SPTLC1: variants seen among roughly 807,000 people sequenced by gnomAD.
The protein encoded by SPTLC1 is serine palmitoyltransferase long chain base subunit 1.
A neutral mutation model predicts 68.9 loss-of-function variants in SPTLC1; 55 were observed. The observed-to-expected ratio is 0.80, with a 90% CI of 0.64 to 1.00. SPTLC1 has a LOEUF of 1.00. Ranked by LOEUF, SPTLC1 falls within the 50% of genes least tolerant of loss-of-function variation. SPTLC1 has a pLI of 0.00. For missense variants in SPTLC1, 449 were observed against 573.1 expected (o/e 0.78, Z 2.21); for synonymous variants, 197 against 201.6 (o/e 0.98, Z 0.19).
At chr9:92,048,868 C>T (rs567631000) in intron 9 of SPTLC1, among the ~76,000 whole-genome samples, 2 of 152,300 alleles carry the variant, frequency 1.3e-5, no homozygotes, top group South Asian at 4.1e-4. Flanking sequence ...AAAGCCCGTA[C>T]ATTCTGCTCT....
At chr9:92,057,020 G>A (rs1480920088) in intron 7 of SPTLC1, among the ~76,000 whole-genome samples, 1 of 152,144 alleles carries the variant, frequency 6.6e-6, no homozygotes, top group African/African-American at 2.4e-5. Context: ...CTTGGGAAAT[G>A]GAAAAGTACA....
intron 5 of SPTLC1, among the ~76,000 whole-genome samples, chr9:92,069,553 C>T (rs916380477): frequency 1.3e-5 from 2 of 152,132 alleles, no homozygotes; most frequent in South Asian, 4.1e-4. Flanking sequence ...ATCTGACAGC[C>T]GCCCTCTAGG....
chr9:92,044,505 C>A (rs185241959), intron 12 of SPTLC1, among the ~76,000 whole-genome samples: 1 of 152,280 alleles, frequency 6.6e-6, no homozygotes, highest in East Asian at 1.9e-4. Flanking sequence ...AGCCAGGTCT[C>A]AGAGCTGCCA....
At chr9:92,108,574 T>C (rs13290382) in intron 3 of SPTLC1, 166 bp downstream of exon 3, 1 of 918,588 alleles carries the variant, frequency 1.1e-6, no homozygotes, top group African/African-American at 1.7e-5. Flanking sequence ...GCCTGTATCA[T>C]CCCTAGAATA....
At chr9:92,065,641 G>A (rs1834251982) in intron 6 of SPTLC1, among the ~76,000 whole-genome samples, 1 of 152,174 alleles carries the variant, frequency 6.6e-6, no homozygotes, top group Non-Finnish European at 1.5e-5. Context: ...AAGTGACACT[G>A]AATGACACTG....
intron 3 of SPTLC1, chr9:92,108,388 TCTA>T: frequency 3.1e-6 from 1 of 318,966 alleles, no homozygotes; most frequent in East Asian, 7.9e-5. Flanking sequence ...CTATACAGTA[TCTA>T]GAATTATGAG....
intron 9 of SPTLC1, 34 bp downstream of exon 9, chr9:92,049,926 A>C (rs1326722533): frequency 1.5e-6 from 2 of 1,327,328 alleles, no homozygotes; most frequent in South Asian, 1.2e-5. Flanking sequence ...GTCTCCTATA[A>C]GAGGGGAAAC....
At chr9:92,075,094 C>A (rs1834633991) in intron 5 of SPTLC1, among the ~76,000 whole-genome samples, 1 of 152,102 alleles carries the variant, frequency 6.6e-6, no homozygotes, top group Non-Finnish European at 1.5e-5. Flanking sequence ...TTCTTTGCAG[C>A]CCCTCTTACC....
At chr9:92,082,018 T>C (rs1294856162) in intron 3 of SPTLC1, among the ~76,000 whole-genome samples, 7 of 152,154 alleles carry the variant, frequency 4.6e-5, no homozygotes. Flanking sequence ...CCATGGGTTA[T>C]AGAGTCTGTC....
At chr9:92,086,654 T>G (rs928714223) in intron 3 of SPTLC1, among the ~76,000 whole-genome samples, 1 of 152,240 alleles carries the variant, frequency 6.6e-6, no homozygotes, top group Non-Finnish European at 1.5e-5. Context: ...AACCCAACCT[T>G]TCTCTCTGGC....
At chr9:92,055,367 T>A (rs1484508090) in intron 8 of SPTLC1, 38 bp downstream of exon 8, 1 of 1,611,780 alleles carries the variant, frequency 6.2e-7, no homozygotes, top group Admixed American at 1.7e-5. Flanking sequence ...TGTCAAATAG[T>A]CCAAATATTA....
intron 13 of SPTLC1, among the ~76,000 whole-genome samples, chr9:92,036,844 A>G (rs560751263): frequency 6.6e-6 from 1 of 152,380 alleles, no homozygotes; most frequent in East Asian, 1.9e-4. Context: ...AATACAAACA[A>G]TGAGGCAGTA....
chr9:92,062,328 AATATG>A (rs1396178376), intron 6 of SPTLC1, among the ~76,000 whole-genome samples: 5 of 152,196 alleles, frequency 3.3e-5, no homozygotes, highest in African/African-American at 7.2e-5. Context: ...AGTAATCCTA[AATATG>A]AACTAAACAA....
In SPTLC1 at chr9:92,047,177, T is replaced by A; in HGVS notation, c.1076A>T (p.Asn359Ile). Residue 359 changes from asparagine (N) to isoleucine (I), a missense_variant, in exon 11 of 15, where the codon AAT (asparagine) becomes ATT (isoleucine). Asn to Ile is a moderately radical substitution (Grantham distance 149, BLOSUM62 -3). Coordinates refer to ENST00000262554, the MANE Select transcript of SPTLC1 (RefSeq NM_006415.4). ...GGGTTTTTAAAGGGTTATACCTGGA[T>A]TCTCTTCCATGATGTTGAGGGCCTC... ...AIEALNIMEENPGIFAVLKEK... is the reference protein window; with the variant it reads ...AIEALNIMEEIPGIFAVLKEK... 9 of 1,613,330 alleles carry A rather than the reference T, an allele frequency of 5.6e-6. No homozygotes were observed. The highest frequency in any genetic ancestry group is 7.6e-6 in the Non-Finnish European group (9 of 1,179,218).
At chr9:92,108,538 T>G (rs897976787) in intron 3 of SPTLC1, 1 of 625,278 alleles carries the variant, frequency 1.6e-6, no homozygotes, top group African/African-American at 1.9e-5. Context: ...CAAACATTAA[T>G]GCTTAAATTG....
chr9:92,037,921 T>C (rs1369988875), intron 13 of SPTLC1, among the ~76,000 whole-genome samples: 1 of 152,016 alleles, frequency 6.6e-6, no homozygotes, highest in Admixed American at 6.6e-5. Context: ...CTTTGTAAAA[T>C]GGTGAGCAAG....
chr9:92,051,037 A>G (rs1208487240), intron 8 of SPTLC1: 3 of 985,176 alleles, frequency 3.0e-6, no homozygotes, highest in African/African-American at 1.7e-5. Context: ...GTATCTGTCC[A>G]TTAGCACTGC....
intron 8 of SPTLC1, 43 bp from the exon 9 acceptor site, chr9:92,050,110 T>C (rs761668775): frequency 5.8e-6 from 7 of 1,216,540 alleles, no homozygotes; most frequent in South Asian, 2.4e-5. Flanking sequence ...ATTAGCACCA[T>C]ATAGAACATA....
rs1253078040 is a variant in SPTLC1 at position 92,069,700 on chromosome 9, C to T, written c.428-1602G>A. Among the ~76,000 whole-genome samples, 2 of 152,276 alleles carry T rather than the reference C, an allele frequency of 1.3e-5. 1 individual carries two copies. Among genetic ancestry groups the T allele is most frequent in the Non-Finnish European group, 2.9e-5 (2 of 68,024 alleles). On this transcript the variant is annotated intron_variant, in intron 5 of 14. Transcript: ENST00000262554. ...TGTTCTCTGAGCGCCATCACTTTGC[C>T]ACCTCTCACGTTCCCAGGTAGGAGG...
Sources: gnomAD v4.1 joint callset for allele counts (sites outside exome capture counted in the v4.1 genomes callset) on GRCh38, gnomAD v4.1.1 for gene constraint, MANE v1.5 for transcripts, NCBI Gene and HGNC (gene_info 2026-07-23, HGNC 2026-07-21) for gene names.